The following DHX57 variants were observed in gnomAD, a reference collection of about 807,000 sequenced individuals.
The protein encoded by DHX57 is putative ATP-dependent RNA helicase DHX57.
Under a neutral mutation model 156.2 loss-of-function variants are expected in DHX57, and 105 were observed. That is an observed-to-expected ratio of 0.67 (90% CI 0.57 to 0.79). The LOEUF (loss-of-function observed/expected upper bound fraction) is 0.79. DHX57 is among the 30% of genes least tolerant of loss of function. The probability of loss-of-function intolerance (pLI) is 0.00; values close to 1 mark genes in which losing one functional copy is unlikely to be tolerated. For missense variants in DHX57, 1,847 were observed against 1,661.9 expected, an observed-to-expected ratio of 1.11 and a Z score of -1.94; for synonymous variants, 704 against 595.6, an observed-to-expected ratio of 1.18 and a Z score of -2.65.
At chr2:38,841,876 C>G (rs1334625900) in intron 12 of DHX57, among the ~76,000 whole-genome samples, 1 of 152,118 alleles carries the variant, frequency 6.6e-6, no homozygotes, top group Non-Finnish European at 1.5e-5. Flanking sequence ...TAATAACATA[C>G]ATAAAAAGCT....
At chr2:38,843,292 G>T in intron 11 of DHX57, 82 bp from the exon 12 acceptor site, 1 of 1,424,788 alleles carries the variant, frequency 7.0e-7, no homozygotes, top group Non-Finnish European at 9.7e-7. Context: ...TCACGTGCTC[G>T]TTCAGCAAAA....
chr2:38,872,991 C>G (rs752403716), intron 1 of DHX57, among the ~76,000 whole-genome samples: 2 of 150,462 alleles, frequency 1.3e-5, no homozygotes, highest in East Asian at 1.9e-4. Context: ...AACCTCAATA[C>G]ATTTTTTTTT....
intron 16 of DHX57, among the ~76,000 whole-genome samples, chr2:38,823,871 G>A (rs925171764): frequency 6.6e-6 from 1 of 152,132 alleles, no homozygotes; most frequent in Non-Finnish European, 1.5e-5. Flanking sequence ...AATTAGCCAG[G>A]CATGGTGATG....
intron 21 of DHX57, chr2:38,810,683 C>A: frequency 1.4e-6 from 1 of 701,816 alleles, no homozygotes; most frequent in South Asian, 1.4e-5. Context: ...TGGGCAAAGT[C>A]ACACTGAGGG....
At chr2:38,801,404 A>ATCTG (rs1669669278) in intron 23 of DHX57, among the ~76,000 whole-genome samples, 1 of 139,062 alleles carries the variant, frequency 7.2e-6, no homozygotes, top group Admixed American at 7.4e-5. Context: ...AGTTTTATCT[A>ATCTG]TCTATCTATT....
chr2:38,853,777 C>A lies in DHX57; in HGVS notation c.2030+277G>T, dbSNP rs547101783. ...TGACATCTGTTATTTCTACTAAGTACGGTATTCAACTTAGCATAATGCCCA... is the reference window on the plus strand; with the variant it reads ...TGACATCTGTTATTTCTACTAAGTAAGGTATTCAACTTAGCATAATGCCCA... On this transcript the variant is annotated intron_variant, in intron 9 of 23. Transcript: ENST00000457308. The A allele has an allele frequency of 5.1e-5, 10 of 195,748 alleles. 1 individual carries two copies. The South Asian group carries it at 1.4e-3, about 28-fold the overall frequency. 12.1% of individuals were successfully genotyped at this position (195,748 alleles called of 1,614,324 possible).
At chr2:38,872,296 G>A (rs906644865) in intron 1 of DHX57, among the ~76,000 whole-genome samples, 1 of 152,102 alleles carries the variant, frequency 6.6e-6, no homozygotes, top group African/African-American at 2.4e-5. Flanking sequence ...GCAAATGAAA[G>A]CATAAAGTAA....
chr2:38,815,771 G>T, intron 19 of DHX57, 116 bp from the exon 20 acceptor site: 1 of 1,266,970 alleles, frequency 7.9e-7, no homozygotes, highest in African/African-American at 1.5e-5. Context: ...TGAGGCTCAA[G>T]TGGATTCATT....
intron 21 of DHX57, chr2:38,810,875 T>A (rs1326004747): frequency 1.3e-6 from 1 of 749,662 alleles, no homozygotes; most frequent in East Asian, 2.7e-5. Context: ...TTCTCCACGA[T>A]GTCAATATGG....
chr2:38,868,351 AC>A lies in DHX57; in HGVS notation c.54del (p.Ser19LeufsTer63). ...CTGCCTCCTCTTCCTCCTCTAGAAGACCCTTTTCCACCTCCTTTGCCTGGCT... is the reference window on the plus strand; with the variant it reads ...CTGCCTCCTCTTCCTCCTCTAGAAGACCTTTTCCACCTCCTTTGCCTGGCT... The part of the protein sequence containing the change: ...KGKPGKGGGK[G>X]SSRGGRGGRS... On this transcript the variant is annotated frameshift_variant, in exon 2 of 24. Transcript: ENST00000457308. LOFTEE classifies it high-confidence loss of function. 1 of 1,613,498 alleles carries A rather than the reference AC, an allele frequency of 6.2e-7. No individual in the cohort carries two copies. The highest frequency in any genetic ancestry group is 8.5e-7 in the Non-Finnish European group (1 of 1,179,972).
At chr2:38,824,093 G>A (rs1423273078) in intron 16 of DHX57, among the ~76,000 whole-genome samples, 1 of 152,186 alleles carries the variant, frequency 6.6e-6, no homozygotes, top group Non-Finnish European at 1.5e-5. Context: ...TACCCAAGAT[G>A]TGGAAACAAC....
At chr2:38,815,910 A>G in intron 19 of DHX57, 1 of 509,552 alleles carries the variant, frequency 2.0e-6, no homozygotes, top group South Asian at 2.2e-5. Flanking sequence ...TCATTTATTT[A>G]ACTCTAGATT....
At chr2:38,858,018 T>A (rs2124922528) in intron 6 of DHX57, among the ~76,000 whole-genome samples, 1 of 152,300 alleles carries the variant, frequency 6.6e-6, no homozygotes, top group East Asian at 1.9e-4. Context: ...CAGGCATGTG[T>A]TACCACGCCC....
chr2:38,861,156 C>A lies in DHX57; in HGVS notation c.1254G>T (p.Glu418Asp). 1.2e-6 allele frequency: 2 copies of A among 1,614,180 alleles called. No homozygotes were observed. Among genetic ancestry groups the A allele is most frequent in the Non-Finnish European group, 8.5e-7 (1 of 1,180,022 alleles). The change falls in exon 5 of 24, where the codon GAG becomes GAT. Residue 418 changes from glutamate to aspartate, a missense_variant. Physicochemically the swap from Glu to Asp is conservative, Grantham distance 45 (BLOSUM62 2). Coordinates refer to ENST00000457308, the MANE Select transcript of DHX57 (RefSeq NM_198963.3). Reference sequence around the variant, plus strand: ...TCGTTAGTAACTTGACTATTTCCGACTCTTCCTCTAAAAGGGTTATCAAAG... The same window carrying A: ...TCGTTAGTAACTTGACTATTTCCGAATCTTCCTCTAAAAGGGTTATCAAAG... Reference protein sequence around the residue: ...VYSLITLLEEESEIVKLLTNT... With the variant: ...VYSLITLLEEDSEIVKLLTNT...
intron 21 of DHX57, chr2:38,811,516 C>G: frequency 1.1e-6 from 1 of 949,062 alleles, no homozygotes; most frequent in South Asian, 1.3e-5. Flanking sequence ...TTCTTCCTGG[C>G]TTCCTTGAAG....
Position 38,861,736 on chromosome 2 carries a change from G to C in DHX57, c.674C>G (p.Thr225Arg). Residue 225 changes from threonine to arginine, a missense_variant, in exon 5 of 24, where the codon ACA becomes AGA. Thr to Arg is a moderately conservative substitution (Grantham distance 71, BLOSUM62 -1). Transcript: ENST00000457308. Reference protein sequence around the residue: ...EHLLTQCFSETFGERMKISEA... With the variant: ...EHLLTQCFSERFGERMKISEA... ...AGAGATCTTCATCCTCTCTCCAAAT[G>C]TCTCTGAAAAACACTGGGTAAGGAG... 1.2e-6 allele frequency: 2 copies of C among 1,614,134 alleles called. No individual in the cohort carries two copies. Among genetic ancestry groups the C allele is most frequent in the Non-Finnish European group, 1.7e-6 (2 of 1,180,032 alleles).
intron 21 of DHX57, chr2:38,811,641 C>G (rs1670254271): frequency 4.5e-6 from 6 of 1,322,658 alleles, no homozygotes; most frequent in South Asian, 1.2e-5. Flanking sequence ...AACCATGGAG[C>G]CTTTGCTGAA....
At chr2:38,819,233 G>T in intron 17 of DHX57, 89 bp from the exon 18 acceptor site, 1 of 1,242,012 alleles carries the variant, frequency 8.1e-7, no homozygotes, top group Non-Finnish European at 1.2e-6. Flanking sequence ...GGAGTGCAGT[G>T]GTGCGATCAT....
chr2:38,839,478 G>A (rs1172575261), intron 12 of DHX57, among the ~76,000 whole-genome samples: 2 of 151,454 alleles, frequency 1.3e-5, no homozygotes, highest in East Asian at 2.0e-4. Flanking sequence ...TTGGGAGGCC[G>A]AGATGGGTGG....
Sources: allele counts gnomAD v4.1 joint callset (sites outside exome capture counted in the v4.1 genomes callset), GRCh38; gene constraint gnomAD v4.1.1; transcripts MANE v1.5; gene names NCBI Gene and HGNC (gene_info 2026-07-23, HGNC 2026-07-21).